MID1: variants seen among roughly 807,000 people sequenced by gnomAD.
MID1 encodes the protein E3 ubiquitin-protein ligase Midline-1.
A neutral mutation model predicts 40.4 loss-of-function variants in MID1; 7 were observed. The ratio of observed to expected loss-of-function variants is 0.17; its 90% CI spans 0.10 to 0.33. The LOEUF is 0.33. Among genes scored for constraint, MID1 ranks in the 10% least tolerant of loss-of-function variants. The pLI, the probability that MID1 is intolerant of heterozygous loss-of-function variation, is 1.00. For missense variants in MID1, 367 were observed against 558.5 expected, an observed-to-expected ratio of 0.66 and a Z score of 3.46; for synonymous variants, 229 against 221.2, an observed-to-expected ratio of 1.04 and a Z score of -0.31.
intron 1 of MID1, among the ~76,000 whole-genome samples, chrX:10,764,379 A>C (rs767443833): frequency 2.0e-4 from 22 of 111,728 alleles, no homozygotes; most frequent in Admixed American, 1.4e-3. Flanking sequence ...TCAGGTTTCT[A>C]CATACGACTA....
intron 1 of MID1, among the ~76,000 whole-genome samples, chrX:10,590,344 G>C (rs146676096): frequency 0.025 from 2,727 of 111,256 alleles, 161 homozygotes; most frequent in East Asian, 0.21. Flanking sequence ...TCTCTCAGTT[G>C]TAGGAGAATA....
chrX:10,759,592 T>G (rs185729137), intron 1 of MID1, among the ~76,000 whole-genome samples: 350 of 109,084 alleles, frequency 3.2e-3, no homozygotes, highest in Non-Finnish European at 6.0e-3. Flanking sequence ...GGGGAGGGAG[T>G]GCCCTGATGT....
intron 5 of MID1, among the ~76,000 whole-genome samples, chrX:10,481,218 T>G (rs1266077829): frequency 8.9e-6 from 1 of 111,784 alleles, no homozygotes; most frequent in Non-Finnish European, 1.9e-5. Flanking sequence ...TTGATGATCC[T>G]TTATAGAAAA....
chrX:10,701,963 T>G (rs892263364), intron 1 of MID1, among the ~76,000 whole-genome samples: 4 of 112,867 alleles, frequency 3.5e-5, no homozygotes, highest in African/African-American at 1.3e-4. Context: ...ACATAGTTGC[T>G]ATGATTTTTA....
intron 2 of MID1, among the ~76,000 whole-genome samples, chrX:10,555,674 G>T (rs1434421218): frequency 9.1e-6 from 1 of 110,281 alleles, no homozygotes; most frequent in Non-Finnish European, 1.9e-5. Context: ...ATAGGGAAAA[G>T]AATATTTATA....
At chrX:10,656,432 C>T (rs2042873101) in intron 1 of MID1, among the ~76,000 whole-genome samples, 1 of 111,672 alleles carries the variant, frequency 9.0e-6, no homozygotes, top group Non-Finnish European at 1.9e-5. Context: ...CCTGTTGGCT[C>T]TTTTCAATGC....
chrX:10,794,871 C>A (rs1408007747), intron 1 of MID1, among the ~76,000 whole-genome samples: 5 of 111,137 alleles, frequency 4.5e-5, no homozygotes, highest in Non-Finnish European at 7.5e-5. Flanking sequence ...CATTAAGAGA[C>A]TGGAAGGTGA....
At chrX:10,532,945 A>AT (rs1390118716) in intron 2 of MID1, among the ~76,000 whole-genome samples, 4 of 109,358 alleles carry the variant, frequency 3.7e-5, no homozygotes, top group African/African-American at 1.3e-4. Flanking sequence ...TAATTTTCGT[A>AT]TTTTTTAGCA....
intron 3 of MID1, among the ~76,000 whole-genome samples, chrX:10,522,622 G>A (rs1033165024): frequency 3.6e-5 from 4 of 111,539 alleles, no homozygotes; most frequent in Non-Finnish European, 7.5e-5. Context: ...TCCGCCTCTG[G>A]AGTAGCTGGG....
chrX:10,459,658 A>G lies in MID1; in HGVS notation c.1435T>C (p.Leu479=), dbSNP rs1928904246. The G allele has an allele frequency of 1.7e-6, 2 of 1,211,337 alleles. No individual in the cohort carries two copies. The highest frequency in any genetic ancestry group is 1.7e-5 in the African/African-American group (1 of 57,800). Residue 479 remains leucine (L), a synonymous_variant, in exon 8 of 10, where the codon TTG becomes CTG. Coordinates refer to ENST00000317552, the MANE Select transcript of MID1 (RefSeq NM_000381.4). ...AGSRSSEPGK[L]KTNSQPFKLD... is the part of the protein sequence containing the mutation. Reference sequence around the variant, plus strand: ...TCACAGCACTTACTGTTTGTCTTCAACTTCCCAGGCTCACTGCTGCGGCTG... The same window carrying G: ...TCACAGCACTTACTGTTTGTCTTCAGCTTCCCAGGCTCACTGCTGCGGCTG...
At chrX:10,751,245 A>G (rs762642328) in intron 1 of MID1, among the ~76,000 whole-genome samples, 50 of 108,494 alleles carry the variant, frequency 4.6e-4, no homozygotes, top group African/African-American at 1.5e-3. Context: ...AGCCTGGGTG[A>G]CAGAACAAGA....
At chrX:10,562,204 A>C (rs1335209772) in intron 2 of MID1, among the ~76,000 whole-genome samples, 1 of 104,054 alleles carries the variant, frequency 9.6e-6, no homozygotes, top group Non-Finnish European at 1.9e-5. Context: ...GGAACATCAC[A>C]CACTGGGGCC....
At position 10,599,488 on chromosome X, in the gene MID1, G is replaced by A. The variant is rs6640669; in HGVS notation, c.-57+20802C>T. Among the ~76,000 whole-genome samples the A allele has an allele frequency of 3.2e-3, 356 of 112,481 alleles. 5 individuals are homozygous for A. Among genetic ancestry groups the A allele is most frequent in the Admixed American group, 0.021 (224 of 10,622 alleles). ...ATTTTCTATAGGGGAAACAGAAACA[G>A]TGATGATATGCCATGATCATATGCT... On this transcript the variant is annotated intron_variant, in intron 1 of 9. Coordinates refer to ENST00000317552, the MANE Select transcript of MID1 (RefSeq NM_000381.4).
intron 7 of MID1, among the ~76,000 whole-genome samples, chrX:10,463,273 A>G (rs1368691087): frequency 8.9e-6 from 1 of 112,372 alleles, no homozygotes; most frequent in Non-Finnish European, 1.9e-5. Context: ...AAAAAGCTCC[A>G]TAGATATTAT....
chrX:10,808,972 T>G (rs1279949660), intron 1 of MID1, among the ~76,000 whole-genome samples: 1 of 111,442 alleles, frequency 9.0e-6, no homozygotes, highest in African/African-American at 3.3e-5. Context: ...AAAGAAACTA[T>G]CATCAGAGTG....
chrX:10,479,090 T>C (rs773969213), intron 5 of MID1, among the ~76,000 whole-genome samples: 39 of 112,483 alleles, frequency 3.5e-4, no homozygotes, highest in Non-Finnish European at 6.8e-4. Flanking sequence ...CTAACACTCA[T>C]GGAGTAGCTA....
intron 7 of MID1, 49 bp from the exon 8 acceptor site, chrX:10,459,856 A>ATGTT: frequency 8.9e-7 from 1 of 1,119,840 alleles, no homozygotes. Context: ...AAGGGGAGCA[A>ATGTT]TGTTTGCATA....
chrX:10,613,696 A>AAT (rs1177605401), intron 1 of MID1, among the ~76,000 whole-genome samples: 111 of 16,845 alleles, frequency 6.6e-3, no homozygotes, highest in Middle Eastern at 0.037. Context: ...AACTGAAAGG[A>AAT]ATATATATAT....
intron 1 of MID1, among the ~76,000 whole-genome samples, chrX:10,612,493 C>T (rs1223733462): frequency 8.9e-6 from 1 of 112,450 alleles, no homozygotes; most frequent in Non-Finnish European, 1.9e-5. Flanking sequence ...CTAAATGACT[C>T]ATCTCATTCC....
Sources: gnomAD v4.1 joint callset for allele counts (sites outside exome capture counted in the v4.1 genomes callset) on GRCh38, gnomAD v4.1.1 for gene constraint, MANE v1.5 for transcripts, NCBI Gene and HGNC (gene_info 2026-07-23, HGNC 2026-07-21) for gene names.